CDC42BPA: variants seen among roughly 807,000 people sequenced by gnomAD.
CDC42BPA encodes CDC42 binding protein kinase alpha.
In CDC42BPA, 80 loss-of-function variants were observed where a neutral mutation model predicts 223.5. That is an observed-to-expected ratio of 0.36 (90% CI 0.30 to 0.43). The LOEUF (loss-of-function observed/expected upper bound fraction) is 0.43, where lower values mean the gene tolerates loss of function less well. Among genes scored for constraint, CDC42BPA ranks in the 20% least tolerant of loss-of-function variants. The pLI is 1.00. For synonymous variants in CDC42BPA, 694 were observed against 718.6 expected, an observed-to-expected ratio of 0.97 and a Z score of 0.55; for missense variants, 1,743 against 2,099.9, an observed-to-expected ratio of 0.83 and a Z score of 3.32.
intron 1 of CDC42BPA, among the ~76,000 whole-genome samples, chr1:227,277,078 T>TAAAAAAAAAAA (rs199895591): frequency 7.6e-5 from 8 of 104,980 alleles, no homozygotes; most frequent in Non-Finnish European, 1.3e-4. Flanking sequence ...CAATAAATAC[T>TAAAAAAAAAAA]AAAAAAAAAA....
At chr1:227,074,505 A>G in intron 17 of CDC42BPA, 141 bp from the exon 18 acceptor site, 1 of 596,326 alleles carries the variant, frequency 1.7e-6, no homozygotes, top group East Asian at 2.9e-5. Context: ...GGTCTACCAT[A>G]GTATACTACC....
intron 34 of CDC42BPA, among the ~76,000 whole-genome samples, chr1:227,014,639 T>TA (rs1360150600): frequency 6.6e-6 from 1 of 152,184 alleles, no homozygotes; most frequent in East Asian, 1.9e-4. Flanking sequence ...CTGTCAGTGA[T>TA]AGATGTTTAT....
At chr1:227,211,310 T>C (rs969389626) in intron 3 of CDC42BPA, among the ~76,000 whole-genome samples, 2 of 152,086 alleles carry the variant, frequency 1.3e-5, no homozygotes, top group African/African-American at 4.8e-5. Context: ...TATACACTAT[T>C]AGTAGGAATG....
At chr1:227,045,203 T>C (rs1191326120) in intron 23 of CDC42BPA, among the ~76,000 whole-genome samples, 2 of 152,236 alleles carry the variant, frequency 1.3e-5, no homozygotes, top group African/African-American at 4.8e-5. Flanking sequence ...TTCTTTGAGA[T>C]CTGGAATTTC....
At chr1:227,311,923 T>A (rs1693608811) in intron 1 of CDC42BPA, among the ~76,000 whole-genome samples, 1 of 152,186 alleles carries the variant, frequency 6.6e-6, no homozygotes, top group South Asian at 2.1e-4. Context: ...GGTTCTTGAG[T>A]AAGTCCCTAA....
chr1:227,163,644 G>A lies in CDC42BPA; in HGVS notation c.600-3008C>T, dbSNP rs73086780. Among the ~76,000 whole-genome samples the A allele has an allele frequency of 9.1e-3, 1,384 of 151,358 alleles. 24 individuals carry two copies. The highest frequency in any genetic ancestry group is 0.032 in the African/African-American group (1,321 of 41,284). On this transcript the variant is annotated intron_variant, in intron 5 of 36. Coordinates refer to ENST00000366766, the MANE Select transcript of CDC42BPA (RefSeq NM_001394014.1). ...TAATCTTCAGGGATTCTATTTACTC[G>A]AACTTAGTTCTTCATGATGTGTTAC...
intron 34 of CDC42BPA, among the ~76,000 whole-genome samples, chr1:227,006,020 A>G (rs1006969640): frequency 2.0e-5 from 3 of 152,218 alleles, no homozygotes; most frequent in Admixed American, 1.3e-4. Context: ...ACAAGTCCAG[A>G]GGAGGGAAAA....
At chr1:227,243,286 A>C (rs1208507463) in intron 2 of CDC42BPA, among the ~76,000 whole-genome samples, 1 of 152,220 alleles carries the variant, frequency 6.6e-6, no homozygotes, top group Non-Finnish European at 1.5e-5. Flanking sequence ...AAGTTTACTT[A>C]TTTAACAAAC....
intron 2 of CDC42BPA, among the ~76,000 whole-genome samples, chr1:227,246,933 G>A (rs183466718): frequency 2.3e-3 from 350 of 152,316 alleles, no homozygotes; most frequent in Non-Finnish European, 3.7e-3. Flanking sequence ...AAGCACGGTG[G>A]CTCACACCTG....
chr1:227,137,527 T>C (rs1461268557), intron 10 of CDC42BPA, among the ~76,000 whole-genome samples: 2 of 151,892 alleles, frequency 1.3e-5, no homozygotes, highest in African/African-American at 4.8e-5. Flanking sequence ...CTGAGAGAAA[T>C]AGTACATAGG....
chr1:227,062,886 T>C (rs1676221869), intron 21 of CDC42BPA, among the ~76,000 whole-genome samples: 1 of 151,420 alleles, frequency 6.6e-6, no homozygotes, highest in Admixed American at 6.6e-5. Context: ...GTCTGGAGTA[T>C]GCTAAAACCA....
chr1:227,303,969 T>G (rs1692116165), intron 1 of CDC42BPA, among the ~76,000 whole-genome samples: 1 of 152,246 alleles, frequency 6.6e-6, no homozygotes, highest in African/African-American at 2.4e-5. Flanking sequence ...AACTTTTACC[T>G]TGAAAAATTT....
intron 3 of CDC42BPA, among the ~76,000 whole-genome samples, chr1:227,207,023 T>C (rs2150305809): frequency 6.6e-6 from 1 of 151,450 alleles, no homozygotes; most frequent in South Asian, 2.1e-4. Context: ...GTTGGTGTGC[T>C]GCACCCATTA....
intron 16 of CDC42BPA, 109 bp from the exon 17 acceptor site, chr1:227,081,126 G>T (rs1680537986): frequency 1.3e-5 from 13 of 1,034,710 alleles, no homozygotes; most frequent in Non-Finnish European, 1.7e-5. Flanking sequence ...AAAAATGCCT[G>T]TCTTATTATA....
intron 1 of CDC42BPA, among the ~76,000 whole-genome samples, chr1:227,298,545 A>T (rs1175683255): frequency 6.6e-6 from 1 of 152,082 alleles, no homozygotes; most frequent in Non-Finnish European, 1.5e-5. Flanking sequence ...CCTACGCATC[A>T]CTTCCATTTG....
intron 21 of CDC42BPA, among the ~76,000 whole-genome samples, chr1:227,065,937 T>C (rs1676948290): frequency 6.6e-6 from 1 of 152,164 alleles, no homozygotes; most frequent in Non-Finnish European, 1.5e-5. Flanking sequence ...GTCTTCAACA[T>C]AATCTCCTCT....
rs12565666 is a variant in CDC42BPA at position 227,223,627 on chromosome 1, C to T, written c.271-10408G>A. Among the ~76,000 whole-genome samples, 390 of 152,288 alleles carry T rather than the reference C, an allele frequency of 2.6e-3. 9 individuals are homozygous for T. The East Asian group carries it at 0.048, about 19-fold the overall frequency. On this transcript the variant is annotated intron_variant, in intron 2 of 36. Coordinates refer to ENST00000366766, the MANE Select transcript of CDC42BPA (RefSeq NM_001394014.1). Reference sequence around the variant, plus strand: ...AGACTAGAGAGTGAGAAATCTAGCACCTCCCTTTGTCCCCTTCTCTAACCA... The same window carrying T: ...AGACTAGAGAGTGAGAAATCTAGCATCTCCCTTTGTCCCCTTCTCTAACCA...
chr1:227,119,975 TA>T (rs747311008), intron 11 of CDC42BPA, 38 bp from the exon 12 acceptor site: 1 of 1,516,126 alleles, frequency 6.6e-7, no homozygotes, highest in Admixed American at 2.3e-5. Context: ...ACTATTTGTA[TA>T]AAAGCAAATG....
chr1:227,197,851 C>CA (rs1671006465), intron 4 of CDC42BPA, among the ~76,000 whole-genome samples: 1 of 152,050 alleles, frequency 6.6e-6, no homozygotes, highest in African/African-American at 2.4e-5. Context: ...TTTGTTCTTA[C>CA]AAATGTTATT....
Sources: gnomAD v4.1 joint callset for allele counts (sites outside exome capture counted in the v4.1 genomes callset) on GRCh38, gnomAD v4.1.1 for gene constraint, MANE v1.5 for transcripts, NCBI Gene and HGNC (gene_info 2026-07-23, HGNC 2026-07-21) for gene names.